The following LRFN5 variants were observed in gnomAD, a reference collection of about 807,000 sequenced individuals.
LRFN5 encodes the protein leucine-rich repeat and fibronectin type-III domain-containing protein 5.
In LRFN5, 24 loss-of-function variants were observed where a neutral mutation model predicts 45.6. That is an observed-to-expected ratio of 0.53 (90% CI 0.38 to 0.74). The LOEUF (loss-of-function observed/expected upper bound fraction) is 0.74. Ranked by LOEUF, LRFN5 falls within the 30% of genes least tolerant of loss-of-function variation. The pLI is 0.00. For synonymous variants in LRFN5, 340 were observed against 313.8 expected, an observed-to-expected ratio of 1.08 and a Z score of -0.88; for missense variants, 776 against 861.5, an observed-to-expected ratio of 0.90 and a Z score of 1.24.
intron 2 of LRFN5, among the ~76,000 whole-genome samples, chr14:41,838,773 G>A (rs1888753899): frequency 6.6e-6 from 1 of 152,132 alleles, no homozygotes; most frequent in Non-Finnish European, 1.5e-5. Context: ...AACTTAGCCT[G>A]TCTTAGACTG....
intron 1 of LRFN5, among the ~76,000 whole-genome samples, chr14:41,707,718 C>G (rs973088996): frequency 6.6e-6 from 1 of 151,808 alleles, no homozygotes; most frequent in African/African-American, 2.4e-5. Flanking sequence ...CGAATGCAAC[C>G]CCCTGCTTGA....
At chr14:41,820,206 GT>G (rs71105405) in intron 2 of LRFN5, among the ~76,000 whole-genome samples, 77,460 of 151,472 alleles carry the variant, frequency 0.51, 20,626 homozygotes, top group African/African-American at 0.61. Context: ...AAATCCCAGA[GT>G]TTTTTTTCTA....
intron 1 of LRFN5, among the ~76,000 whole-genome samples, chr14:41,673,830 A>G (rs71409480): frequency 0.33 from 44,995 of 138,316 alleles, 7,769 homozygotes; most frequent in African/African-American, 0.47. Context: ...CGGATGGGGC[A>G]GATGGCCGGG....
At chr14:41,636,043 C>A (rs144124133) in intron 1 of LRFN5, among the ~76,000 whole-genome samples, 10 of 152,170 alleles carry the variant, frequency 6.6e-5, no homozygotes, top group Non-Finnish European at 1.3e-4. Flanking sequence ...GGGAAAAACA[C>A]CTGAAATATT....
At chr14:41,755,921 GTCTAGTGC>G (rs1348582149) in intron 1 of LRFN5, among the ~76,000 whole-genome samples, 7 of 152,130 alleles carry the variant, frequency 4.6e-5, no homozygotes, top group African/African-American at 1.7e-4. Flanking sequence ...TCCTTTCCAC[GTCTAGTGC>G]TTTCTTCAGG....
intron 2 of LRFN5, among the ~76,000 whole-genome samples, chr14:41,885,494 T>G (rs1890536243): frequency 6.6e-6 from 1 of 152,036 alleles, no homozygotes; most frequent in Non-Finnish European, 1.5e-5. Context: ...AAAATAAAAT[T>G]TGGATAAATA....
At chr14:41,843,480 T>C (rs574973417) in intron 2 of LRFN5, among the ~76,000 whole-genome samples, 1 of 152,336 alleles carries the variant, frequency 6.6e-6, no homozygotes, top group Non-Finnish European at 1.5e-5. Flanking sequence ...TTGTGTCCTG[T>C]TCATATCTTT....
chr14:41,659,218 C>A (rs1187369616), intron 1 of LRFN5, among the ~76,000 whole-genome samples: 1 of 151,956 alleles, frequency 6.6e-6, no homozygotes, highest in Admixed American at 6.6e-5. Flanking sequence ...CAACCCCCAA[C>A]AGGCCCCAGT....
rs531088745 is a variant in LRFN5, at chr14:41,847,611, GT to G, written c.-20-38987del. On this transcript the variant is annotated intron_variant, in intron 2 of 5. Coordinates refer to ENST00000298119, the MANE Select transcript of LRFN5 (RefSeq NM_152447.5). ...ACTATATTTTAATCGTTTGATATGT[GT>G]TTTTTTTCAGAATTATTACCCTTCT... 1.8e-4 allele frequency among the ~76,000 whole-genome samples: 27 copies of G among 151,336 alleles called. No individual in the cohort carries two copies. The East Asian group carries it at 3.9e-3, about 22-fold the overall frequency.
At chr14:41,718,356 T>C (rs781641778) in intron 1 of LRFN5, among the ~76,000 whole-genome samples, 4 of 152,210 alleles carry the variant, frequency 2.6e-5, no homozygotes, top group Non-Finnish European at 5.9e-5. Flanking sequence ...ACTGAGCTTA[T>C]TGAAATTAGC....
intron 5 of LRFN5, among the ~76,000 whole-genome samples, chr14:41,899,909 A>G (rs2139178683): frequency 6.6e-6 from 1 of 152,292 alleles, no homozygotes; most frequent in East Asian, 1.9e-4. Flanking sequence ...AATCAATAGC[A>G]CAATGTCTGG....
At chr14:41,893,152 C>G in intron 4 of LRFN5, 1 of 983,532 alleles carries the variant, frequency 1.0e-6, no homozygotes, top group Non-Finnish European at 1.2e-6. Flanking sequence ...TAACCAAAAA[C>G]TGTGATAAAT....
chr14:41,671,766 G>C (rs1359650197), intron 1 of LRFN5, among the ~76,000 whole-genome samples: 2 of 151,748 alleles, frequency 1.3e-5, no homozygotes, highest in Admixed American at 1.3e-4. Context: ...TTACAGGTGT[G>C]CACCATCATG....
chr14:41,642,308 T>A lies in LRFN5; in HGVS notation c.-197+33746T>A, dbSNP rs141540324. 3.3e-3 allele frequency among the ~76,000 whole-genome samples: 497 copies of A among 152,242 alleles called. 3 individuals are homozygous for A. The highest frequency in any genetic ancestry group is 0.011 in the African/African-American group (462 of 41,564). Reference sequence around the variant, plus strand: ...AAATAAATTCTAGAGTAAAAGGTTGTTTGTGTTATAACCTGAATTCCACTC... The same window carrying A: ...AAATAAATTCTAGAGTAAAAGGTTGATTGTGTTATAACCTGAATTCCACTC... On this transcript the variant is annotated intron_variant, in intron 1 of 5. Transcript: ENST00000298119.
At position 41,886,817 on chromosome 14, in the gene LRFN5, A is replaced by G. The variant is rs1462156321; in HGVS notation, c.192A>G (p.Thr64=). The change falls in exon 3 of 6, where the codon ACA becomes ACG. Residue 64 remains threonine (T), a synonymous_variant. Coordinates refer to ENST00000298119, the MANE Select transcript of LRFN5 (RefSeq NM_152447.5). ...TGCGGTTGGCAGACAATTTTGTTAC[A>G]AATATTAAAAGGAAAGATTTTGCCA... ...VELRLADNFV[T]NIKRKDFANM... is the part of the protein sequence containing the mutation. 6.2e-7 allele frequency: 1 copy of G among 1,614,048 alleles called. No individual in the cohort carries two copies. The highest frequency in any genetic ancestry group is 1.7e-5 in the Admixed American group (1 of 60,000).
At chr14:41,789,900 T>C (rs1343206484) in intron 2 of LRFN5, among the ~76,000 whole-genome samples, 1 of 103,798 alleles carries the variant, frequency 9.6e-6, no homozygotes, top group Admixed American at 9.8e-5. Flanking sequence ...TCCGAGTTTA[T>C]GAGTGATTTT....
intron 4 of LRFN5, among the ~76,000 whole-genome samples, chr14:41,897,502 A>G (rs982007781): frequency 1.8e-4 from 28 of 152,104 alleles, no homozygotes; most frequent in African/African-American, 6.8e-4. Flanking sequence ...TATATGTATT[A>G]TATAGACATA....
chr14:41,902,538 T>A (rs1256656473), intron 5 of LRFN5, among the ~76,000 whole-genome samples: 1 of 151,922 alleles, frequency 6.6e-6, no homozygotes, highest in Non-Finnish European at 1.5e-5. Flanking sequence ...CACAAAATTT[T>A]TATTTCCTAC....
intron 1 of LRFN5, among the ~76,000 whole-genome samples, chr14:41,707,875 A>G (rs1405774712): frequency 6.6e-6 from 1 of 152,046 alleles, no homozygotes; most frequent in Non-Finnish European, 1.5e-5. Context: ...TCTTTTACAC[A>G]AAAGTTTCTT....
Sources: gnomAD v4.1 joint callset for allele counts (sites outside exome capture counted in the v4.1 genomes callset) on GRCh38, gnomAD v4.1.1 for gene constraint, MANE v1.5 for transcripts, NCBI Gene and HGNC (gene_info 2026-07-23, HGNC 2026-07-21) for gene names.